Variants in FGF14 observed in about 807,000 individuals in gnomAD.
The protein encoded by FGF14 is fibroblast growth factor homologous factor 4.
A neutral mutation model predicts 25.5 loss-of-function variants in FGF14; 5 were observed. That is an observed-to-expected ratio of 0.20 (90% CI 0.10 to 0.41). FGF14 has a LOEUF of 0.41. Among genes scored for constraint, FGF14 ranks in the 10% least tolerant of loss-of-function variants. The pLI is 1.00. For synonymous variants in FGF14, 138 were observed against 118.3 expected, an observed-to-expected ratio of 1.17 and a Z score of -1.08; for missense variants, 222 against 320.1, an observed-to-expected ratio of 0.69 and a Z score of 2.34.
intron 1 of FGF14, among the ~76,000 whole-genome samples, chr13:102,215,387 G>A (rs1277742275): frequency 1.3e-5 from 2 of 152,180 alleles, no homozygotes; most frequent in East Asian, 1.9e-4. Context: ...AGCAGAAGCT[G>A]GCACTGCTTT....
chr13:101,723,054 C>G (rs1244461002), intron 4 of FGF14, 87 bp from the exon 5 acceptor site: 3 of 1,501,558 alleles, frequency 2.0e-6, no homozygotes, highest in Non-Finnish European at 1.8e-6. Flanking sequence ...TAGACCACTG[C>G]AGTTTGCCCA....
Position 101,868,827 on chromosome 13 carries a change from T to A in FGF14, c.306A>T (p.Thr102=). ...DGTKDDSTNS[T]LFNLIPVGLR... ...GTCCCACTGGTATGAGGTTGAAGAG[T>A]GCTGTGAAGATAAACATTGTCTATC... Residue 102 remains threonine (T), a splice_region_variant and synonymous_variant, in exon 3 of 5, where the codon ACA becomes ACT. Transcript: ENST00000376143. 6.2e-7 allele frequency: 1 copy of A among 1,607,404 alleles called. No individual in the cohort carries two copies. The highest frequency in any genetic ancestry group is 1.7e-5 in the Admixed American group (1 of 59,974).
intron 3 of FGF14, among the ~76,000 whole-genome samples, chr13:101,830,143 G>A (rs2042595887): frequency 1.3e-5 from 2 of 152,092 alleles, no homozygotes; most frequent in Non-Finnish European, 2.9e-5. Flanking sequence ...TGCTTTAAAT[G>A]AAACAGTGGC....
chr13:101,994,383 T>G (rs1326460037), intron 1 of FGF14, among the ~76,000 whole-genome samples: 1 of 152,096 alleles, frequency 6.6e-6, no homozygotes, highest in Non-Finnish European at 1.5e-5. Flanking sequence ...TAAAAATCTA[T>G]ATTTTAACCT....
chr13:102,326,673 GGGAA>G (rs2056439173), intron 1 of FGF14, among the ~76,000 whole-genome samples: 1 of 55,166 alleles, frequency 1.8e-5, no homozygotes, highest in Non-Finnish European at 3.6e-5. Context: ...GGGAGGGGAA[GGGAA>G]GGGAAGGGAA....
chr13:101,919,609 A>T (rs1193562546), upstream of FGF14, among the ~76,000 whole-genome samples: 1 of 151,940 alleles, frequency 6.6e-6, no homozygotes, highest in Non-Finnish European at 1.5e-5. Flanking sequence ...GCCTCGGACC[A>T]GCCTGACATT....
At chr13:102,385,002 A>C (rs2058268227) in intron 1 of FGF14, among the ~76,000 whole-genome samples, 1 of 152,234 alleles carries the variant, frequency 6.6e-6, no homozygotes, top group Admixed American at 6.5e-5. Flanking sequence ...TCCTTAGGAG[A>C]CTATAAGGTA....
chr13:101,987,039 C>T (rs112909010), intron 1 of FGF14, among the ~76,000 whole-genome samples: 4,793 of 152,096 alleles, frequency 0.032, 234 homozygotes, highest in African/African-American at 0.11. Flanking sequence ...TCAACTGCCA[C>T]CACCTTAGTC....
At position 101,720,238 on chromosome 13, in the gene FGF14, AG is replaced by A. The variant is rs1446098677; in HGVS notation, c.*2592del. The A allele has an allele frequency of 6.6e-6, 1 of 152,108 alleles. No homozygotes were observed. Among genetic ancestry groups the A allele is most frequent in the Non-Finnish European group, 1.5e-5 (1 of 67,996 alleles). The allele number at this position is 152,108 out of a possible 1,614,324, so 9.4% of individuals were successfully genotyped here. On this transcript the variant is annotated 3_prime_UTR_variant, in exon 5 of 5. Transcript: ENST00000376143. ...CATTGCTGTCCTCTTCCCATGCTAC[AG>A]GTGAGACCAGACACAAAGTAAATGA... is the stretch of plus-strand genomic sequence containing the variant.
intron 3 of FGF14, among the ~76,000 whole-genome samples, chr13:101,744,351 A>T (rs755140908): frequency 6.2e-4 from 94 of 152,230 alleles, no homozygotes; most frequent in African/African-American, 1.4e-3. Context: ...TCGGGGACAA[A>T]GTCACAATTC....
At chr13:101,918,479 G>C (rs2033744309), upstream of FGF14, among the ~76,000 whole-genome samples, 1 of 152,206 alleles carries the variant, frequency 6.6e-6, no homozygotes, top group Non-Finnish European at 1.5e-5. Flanking sequence ...TTCTTCTCCA[G>C]TGACTGCTTT....
intron 3 of FGF14, among the ~76,000 whole-genome samples, chr13:101,846,736 T>C (rs968770869): frequency 2.0e-5 from 3 of 152,064 alleles, no homozygotes; most frequent in Admixed American, 1.3e-4. Context: ...TTTTTAGTCC[T>C]GGCCAAGTCC....
chr13:102,080,131 A>T (rs1219303665), intron 1 of FGF14, among the ~76,000 whole-genome samples: 1 of 152,106 alleles, frequency 6.6e-6, no homozygotes, highest in Non-Finnish European at 1.5e-5. Flanking sequence ...TAGAGGCCTG[A>T]TACCATTTGA....
chr13:101,943,875 G>A lies in FGF14; in HGVS notation c.209-68579C>T, dbSNP rs529429646. ...AAATTAGCCAGGTGTGGTGGCGCAT[G>A]CCTGTAATCCCAGGTACTGGGGAGG... On this transcript the variant is annotated intron_variant, in intron 1 of 4. Transcript: ENST00000376131. Among the ~76,000 whole-genome samples the A allele has an allele frequency of 1.4e-4, 20 of 145,406 alleles. No homozygotes were observed. In the South Asian group the frequency reaches 4.0e-3, roughly 29 times the overall value.
At chr13:102,140,652 A>C (rs985850908) in intron 1 of FGF14, among the ~76,000 whole-genome samples, 3 of 152,220 alleles carry the variant, frequency 2.0e-5, no homozygotes, top group African/African-American at 7.2e-5. Context: ...ATAGGGATAA[A>C]GTAGCAGAAC....
chr13:102,085,587 T>C (rs1177066647), intron 1 of FGF14, among the ~76,000 whole-genome samples: 2 of 152,214 alleles, frequency 1.3e-5, no homozygotes, highest in Non-Finnish European at 1.5e-5. Flanking sequence ...ATTTCCTAAT[T>C]TGATTTCCAG....
At chr13:102,003,021 T>C (rs927425002) in intron 1 of FGF14, 3 of 152,188 alleles carry the variant, frequency 2.0e-5, no homozygotes, top group Non-Finnish European at 2.9e-5. Flanking sequence ...GGAGTGGATA[T>C]ATGGAAAAAC....
chr13:102,097,043 T>TTA (rs879397771), intron 1 of FGF14, among the ~76,000 whole-genome samples: 2 of 151,334 alleles, frequency 1.3e-5, no homozygotes, highest in Non-Finnish European at 2.9e-5. Context: ...TTTTTTTTTT[T>TTA]AAGCACTGTA....
rs371899174 is a variant in FGF14, at chr13:102,322,264, C to T, written c.208+79207G>A. On this transcript the variant is annotated intron_variant, in intron 1 of 4. Transcript: ENST00000376131. Reference sequence around the variant, plus strand: ...ATGCTTGCCGTGAAGCATCTTTAAACGGAAACATCCTTTACTACTAAGACT... The same window carrying T: ...ATGCTTGCCGTGAAGCATCTTTAAATGGAAACATCCTTTACTACTAAGACT... Among the ~76,000 whole-genome samples, 42 of 152,218 alleles carry T rather than the reference C, an allele frequency of 2.8e-4. No homozygotes were observed. In the East Asian group the frequency reaches 4.3e-3, roughly 15 times the overall value.
Sources: gnomAD v4.1 joint callset for allele counts (sites outside exome capture counted in the v4.1 genomes callset) on GRCh38, gnomAD v4.1.1 for gene constraint, MANE v1.5 for transcripts, NCBI Gene and HGNC (gene_info 2026-07-23, HGNC 2026-07-21) for gene names.